The following PXDNL variants were observed in gnomAD, a reference collection of about 807,000 sequenced individuals.
PXDNL encodes peroxidasin like.
PXDNL carries 145 observed loss-of-function variants against 150.8 expected under a neutral mutation model. The ratio of observed to expected loss-of-function variants is 0.96; its 90% CI spans 0.84 to 1.10. The LOEUF (loss-of-function observed/expected upper bound fraction) is 1.10. Ranked by LOEUF, PXDNL falls within the 50% of genes least tolerant of loss-of-function variation. The probability of loss-of-function intolerance (pLI) is 0.00; values close to 1 mark genes in which losing one functional copy is unlikely to be tolerated. For synonymous variants in PXDNL, 757 were observed against 725.7 expected (o/e 1.04, Z -0.69); for missense variants, 2,087 against 1,873.9 (o/e 1.11, Z -2.10).
intron 3 of PXDNL, among the ~76,000 whole-genome samples, chr8:51,568,811 T>A (rs1370661081): frequency 6.6e-6 from 1 of 151,876 alleles, no homozygotes; most frequent in African/African-American, 2.4e-5. Context: ...CTCTTTGTAT[T>A]TCAGTTTACG....
At chr8:51,700,298 CACATGTAT>C (rs1816227366) in intron 1 of PXDNL, among the ~76,000 whole-genome samples, 1 of 151,892 alleles carries the variant, frequency 6.6e-6, no homozygotes, top group African/African-American at 2.4e-5. Context: ...TACACATGTA[CACATGTAT>C]ACACACATAC....
intron 1 of PXDNL, among the ~76,000 whole-genome samples, chr8:51,742,466 A>G (rs1585715147): frequency 1.3e-5 from 2 of 152,020 alleles, no homozygotes; most frequent in East Asian, 3.9e-4. Flanking sequence ...ATTGCACTAT[A>G]GTTTTGTAGG....
chr8:51,397,969 A>G (rs1309624934), intron 17 of PXDNL, among the ~76,000 whole-genome samples: 1 of 151,914 alleles, frequency 6.6e-6, no homozygotes, highest in Non-Finnish European at 1.5e-5. Flanking sequence ...AAAATCTTTC[A>G]TTTAAACAAT....
intron 20 of PXDNL, among the ~76,000 whole-genome samples, chr8:51,343,395 T>C (rs1806047275): frequency 6.6e-6 from 1 of 152,174 alleles, no homozygotes; most frequent in Non-Finnish European, 1.5e-5. Flanking sequence ...ACAAAACAAA[T>C]CAGAGCTCTT....
chr8:51,654,626 G>T, intron 2 of PXDNL, 63 bp downstream of exon 2: 1 of 1,258,020 alleles, frequency 7.9e-7, no homozygotes. Flanking sequence ...GACTTTCACG[G>T]TAAATTGCCA....
At chr8:51,581,028 T>G (rs1585596225) in intron 3 of PXDNL, among the ~76,000 whole-genome samples, 1 of 152,106 alleles carries the variant, frequency 6.6e-6, no homozygotes, top group Admixed American at 6.5e-5. Flanking sequence ...CCCTAGTGAG[T>G]AGGCAACAGG....
intron 4 of PXDNL, among the ~76,000 whole-genome samples, chr8:51,509,157 G>A (rs1437352492): frequency 2.0e-5 from 3 of 152,092 alleles, no homozygotes; most frequent in Non-Finnish European, 4.4e-5. Context: ...AAAACAATAA[G>A]TGTATGAGGT....
At chr8:51,616,961 G>GT (rs1183226553) in intron 2 of PXDNL, among the ~76,000 whole-genome samples, 2 of 151,812 alleles carry the variant, frequency 1.3e-5, no homozygotes, top group African/African-American at 4.8e-5. Context: ...GTTTTTTATT[G>GT]TTTTCTTTTA....
intron 1 of PXDNL, among the ~76,000 whole-genome samples, chr8:51,797,566 C>T (rs192636703): frequency 5.1e-4 from 77 of 152,264 alleles, no homozygotes; most frequent in African/African-American, 1.7e-3. Flanking sequence ...AATAAACTCC[C>T]ATTCACAATT....
At position 51,738,460 on chromosome 8, in the gene PXDNL, C is replaced by T. The variant is rs77041102; in HGVS notation, c.164+70721G>A. ...CTCCCCACTTGGTAATTCCTCTTTA[C>T]TCTTCAAATTTGTCCTCAAATGTCA... On this transcript the variant is annotated intron_variant, in intron 1 of 22. Transcript: ENST00000356297. Among the ~76,000 whole-genome samples, 92 of 152,236 alleles carry T rather than the reference C, an allele frequency of 6.0e-4. 4 individuals are homozygous for T. In the East Asian group the frequency reaches 0.018, roughly 29 times the overall value.
At chr8:51,335,346 A>C (rs1156540772) in intron 21 of PXDNL, among the ~76,000 whole-genome samples, 3 of 152,064 alleles carry the variant, frequency 2.0e-5, no homozygotes, top group Non-Finnish European at 4.4e-5. Flanking sequence ...AGAGGCACTG[A>C]TATAAGATTT....
At chr8:51,602,680 C>G (rs1428879736) in intron 2 of PXDNL, among the ~76,000 whole-genome samples, 1 of 151,436 alleles carries the variant, frequency 6.6e-6, no homozygotes, top group African/African-American at 2.4e-5. Flanking sequence ...CTTAAAAAAT[C>G]CTTTGTCTCA....
intron 1 of PXDNL, among the ~76,000 whole-genome samples, chr8:51,732,177 C>T (rs1443283921): frequency 6.6e-6 from 1 of 152,180 alleles, no homozygotes; most frequent in Non-Finnish European, 1.5e-5. Flanking sequence ...AAACCAAATG[C>T]TTTTAACAGG....
At chr8:51,727,629 A>AT (rs760493975) in intron 1 of PXDNL, among the ~76,000 whole-genome samples, 1 of 152,072 alleles carries the variant, frequency 6.6e-6, no homozygotes, top group Non-Finnish European at 1.5e-5. Flanking sequence ...CTTGGAGGGC[A>AT]TTTTTTTATA....
intron 2 of PXDNL, among the ~76,000 whole-genome samples, chr8:51,608,002 G>GAAGGAAGAAAGA (rs1554557476): frequency 1.5e-5 from 1 of 64,690 alleles, no homozygotes; most frequent in Non-Finnish European, 2.8e-5. Context: ...AGGAAGGAAG[G>GAAGGAAGAAAGA]AAGAAAGAAA....
rs150164369 is a variant in PXDNL, at chr8:51,583,253, G to A, written c.308+9374C>T. 1.6e-3 allele frequency among the ~76,000 whole-genome samples: 251 copies of A among 152,160 alleles called. 1 individual carries two copies. The highest frequency in any genetic ancestry group is 6.8e-3 in the Middle Eastern group (2 of 294). On this transcript the variant is annotated intron_variant, in intron 3 of 22. Transcript: ENST00000356297. ...CAGCAGGTTGTATGAGGAACATGGC[G>A]CCAGCATCTGCTTGGCTTCTGGTGA...
Position 51,453,707 on chromosome 8 carries a change from G to A in PXDNL, c.1061C>T (p.Thr354Ile). 6.2e-7 allele frequency: 1 copy of A among 1,614,036 alleles called. No individual in the cohort carries two copies. Among genetic ancestry groups the A allele is most frequent in the Non-Finnish European group, 8.5e-7 (1 of 1,179,898 alleles). Residue 354 changes from threonine (T) to isoleucine (I), a missense_variant, in exon 10 of 23, where the codon ACA (threonine) becomes ATA (isoleucine). Thr to Ile is a moderately conservative substitution (Grantham distance 89). Transcript: ENST00000356297. Reference sequence around the variant, plus strand: ...AGTGATAAGAGGGTGTGGGTGGCCTGTGGCCATACATTCCAAAGTTGTGCT... The same window carrying A: ...AGTGATAAGAGGGTGTGGGTGGCCTATGGCCATACATTCCAAAGTTGTGCT... ...GTSTTLECMA[T>I]GHPHPLITWT...
chr8:51,603,612 T>G (rs897309100), intron 2 of PXDNL, among the ~76,000 whole-genome samples: 2 of 152,096 alleles, frequency 1.3e-5, no homozygotes, highest in African/African-American at 4.8e-5. Flanking sequence ...ATTTCTAAGG[T>G]GAATGTGGGT....
intron 17 of PXDNL, among the ~76,000 whole-genome samples, chr8:51,381,245 A>T (rs1213835665): frequency 6.6e-6 from 1 of 152,198 alleles, no homozygotes; most frequent in East Asian, 1.9e-4. Flanking sequence ...GGTTTGATTG[A>T]AGAGCATATG....
Sources: allele counts gnomAD v4.1 joint callset (sites outside exome capture counted in the v4.1 genomes callset), GRCh38; gene constraint gnomAD v4.1.1; transcripts MANE v1.5; gene names NCBI Gene and HGNC (gene_info 2026-07-23, HGNC 2026-07-21).